ANKRD36: variants seen among roughly 807,000 people sequenced by gnomAD.
The protein encoded by ANKRD36 is ankyrin repeat domain-containing protein 36A.
Under a neutral mutation model 278.1 loss-of-function variants are expected in ANKRD36, and 179 were observed. The ratio of observed to expected loss-of-function variants is 0.64; its 90% confidence interval spans 0.57 to 0.73. ANKRD36 has a LOEUF of 0.73. Among genes scored for constraint, ANKRD36 ranks in the 30% least tolerant of loss-of-function variants. The pLI, the probability that ANKRD36 is intolerant of heterozygous loss-of-function variation, is 0.00. For synonymous variants in ANKRD36, 320 were observed against 641.1 expected, an observed-to-expected ratio of 0.50 and a Z score of 7.57; for missense variants, 1,159 against 1,956.7, an observed-to-expected ratio of 0.59 and a Z score of 7.69.
At chr2:97,137,132 A>G (rs183596298) in intron 6 of ANKRD36, among the ~76,000 whole-genome samples, 1 of 152,050 alleles carries the variant, frequency 6.6e-6, no homozygotes, top group African/African-American at 2.4e-5. Flanking sequence ...GGTCTAAGGC[A>G]TGTACAAAAG....
chr2:97,182,447 C>A (rs2153546004), intron 26 of ANKRD36, among the ~76,000 whole-genome samples: 1 of 147,106 alleles, frequency 6.8e-6, no homozygotes, highest in African/African-American at 2.4e-5. Context: ...TACTGTTGGG[C>A]ATCAGAGATA....
Position 97,215,961 on chromosome 2 carries a change from T to C in ANKRD36, c.3673+464T>C, listed in dbSNP as rs373091665. ...ATTATTTTCCGCAAGGAAGAGGGAT[T>C]GTGAGGCAGGAAGGAGAGAAAAGAA... On this transcript the variant is annotated intron_variant, in intron 62 of 75. Coordinates refer to ENST00000420699, the MANE Select transcript of ANKRD36 (RefSeq NM_001354587.1). 9.4e-4 allele frequency: 295 copies of C among 312,422 alleles called. 1 individual carries two copies. The East Asian group carries it at 0.014, about 15-fold the overall frequency. The allele number at this position is 312,422 out of a possible 1,614,324, so 19.4% of individuals were successfully genotyped here. A position where few individuals can be genotyped will look rare whatever the true frequency, so the allele number is the denominator to read the frequency against.
chr2:97,155,339 A>G lies in ANKRD36; in HGVS notation c.1260+598A>G, dbSNP rs2047190906. Reference sequence around the variant, plus strand: ...TTGTGGAAATTTAACTAGACATGGTATCATGTGCCTGTAGTCCCACCTACT... The same window carrying G: ...TTGTGGAAATTTAACTAGACATGGTGTCATGTGCCTGTAGTCCCACCTACT... On this transcript the variant is annotated intron_variant, in intron 15 of 75. Transcript: ENST00000420699. Among the ~76,000 whole-genome samples, 2 of 144,838 alleles carry G rather than the reference A, an allele frequency of 1.4e-5. 1 individual carries two copies. Among genetic ancestry groups the G allele is most frequent in the Non-Finnish European group, 3.1e-5 (2 of 64,124 alleles).
intron 6 of ANKRD36, among the ~76,000 whole-genome samples, chr2:97,134,451 T>C (rs2040964335): frequency 6.6e-6 from 1 of 152,082 alleles, no homozygotes; most frequent in Non-Finnish European, 1.5e-5. Context: ...TTGTACTTTA[T>C]AAAACGAGTC....
intron 6 of ANKRD36, among the ~76,000 whole-genome samples, chr2:97,128,848 A>G (rs536566248): frequency 3.5e-4 from 53 of 152,230 alleles, no homozygotes; most frequent in Non-Finnish European, 6.3e-4. Flanking sequence ...TCCAAAGCAC[A>G]TACATCCCAA....
intron 54 of ANKRD36, among the ~76,000 whole-genome samples, chr2:97,208,775 A>G (rs2063562601): frequency 6.8e-6 from 1 of 146,574 alleles, no homozygotes; most frequent in South Asian, 2.1e-4. Flanking sequence ...CCTCGTGGAT[A>G]AAATAGCTAT....
At chr2:97,228,616 T>G (rs1213715669) in intron 67 of ANKRD36, among the ~76,000 whole-genome samples, 4 of 151,914 alleles carry the variant, frequency 2.6e-5, no homozygotes, top group South Asian at 2.1e-4. Context: ...TTTTGAAGGG[T>G]TTTTTGTGTC....
At chr2:97,125,285 C>T (rs1361161861) in intron 5 of ANKRD36, among the ~76,000 whole-genome samples, 1 of 150,992 alleles carries the variant, frequency 6.6e-6, no homozygotes, top group African/African-American at 2.4e-5. Context: ...TTTTTTAGTT[C>T]AGTTGCACAT....
Position 97,194,849 on chromosome 2 carries a change from C to A in ANKRD36, c.2483C>A (p.Thr828Lys), listed in dbSNP as rs562787316. The A allele has an allele frequency of 6.3e-7, 1 of 1,590,086 alleles. No homozygotes were observed. Among genetic ancestry groups the A allele is most frequent in the East Asian group, 2.3e-5 (1 of 43,586 alleles). The change falls in exon 40 of 76, where the codon ACA becomes AAA. Residue 828 changes from threonine (T) to lysine (K), a missense_variant. Physicochemically the swap from Thr to Lys is moderately conservative, Grantham distance 78. Coordinates refer to ENST00000420699, the MANE Select transcript of ANKRD36 (RefSeq NM_001354587.1). ...SSRKKPALKA[T>K]SDEKDSFSNI... ...TTTGTTTCAAATTCCACTCAGGCTACAAGTGATGAGAAGGATTCTTTTTCG... is the reference window on the plus strand; with the variant it reads ...TTTGTTTCAAATTCCACTCAGGCTAAAAGTGATGAGAAGGATTCTTTTTCG...
Position 97,202,333 on chromosome 2 carries a change from G to A in ANKRD36, c.2899G>A (p.Glu967Lys), listed in dbSNP as rs779171869. Residue 967 changes from glutamate to lysine, a missense_variant, in exon 48 of 76, where the codon GAG becomes AAG. Physicochemically the swap from Glu to Lys is moderately conservative, Grantham distance 56. Transcript: ENST00000420699. The part of the protein sequence containing the change: ...KPPALKGTSD[E>K]EDSVLGIARE... Reference sequence around the variant, plus strand: ...AAATTCCATTCAGGGTACAAGTGACGAGGAAGATTCTGTTTTGGGTATAGC... The same window carrying A: ...AAATTCCATTCAGGGTACAAGTGACAAGGAAGATTCTGTTTTGGGTATAGC... 80 of 1,570,400 alleles carry A rather than the reference G, an allele frequency of 5.1e-5. No homozygotes were observed. The highest frequency in any genetic ancestry group is 5.9e-5 in the Non-Finnish European group (69 of 1,162,170).
intron 67 of ANKRD36, among the ~76,000 whole-genome samples, chr2:97,228,141 C>G (rs2070557316): frequency 6.6e-6 from 1 of 152,082 alleles, no homozygotes; most frequent in Non-Finnish European, 1.5e-5. Context: ...CAGGATGATG[C>G]TGGCCTCATA....
intron 15 of ANKRD36, among the ~76,000 whole-genome samples, chr2:97,156,320 C>G (rs1282003842): frequency 6.9e-6 from 1 of 145,262 alleles, no homozygotes; most frequent in African/African-American, 2.4e-5. Flanking sequence ...GCTGCACCCA[C>G]TAACTCGTCA....
chr2:97,202,117 G>A, intron 46 of ANKRD36, 85 bp from the exon 47 acceptor site: 1 of 1,590,388 alleles, frequency 6.3e-7, no homozygotes. Flanking sequence ...CAGGAGGACA[G>A]AGGTTGATTC....
At chr2:97,154,021 A>G (rs2046801005) in intron 14 of ANKRD36, among the ~76,000 whole-genome samples, 1 of 148,808 alleles carries the variant, frequency 6.7e-6, no homozygotes, top group South Asian at 2.1e-4. Context: ...TATAATTTTT[A>G]ATGTTTTAAT....
chr2:97,121,295 A>G (rs2036752099), intron 3 of ANKRD36, among the ~76,000 whole-genome samples: 1 of 152,086 alleles, frequency 6.6e-6, no homozygotes, highest in African/African-American at 2.4e-5. Flanking sequence ...TGCATAGGTT[A>G]TGCATATTGC....
intron 18 of ANKRD36, among the ~76,000 whole-genome samples, chr2:97,162,646 G>T (rs2049253436): frequency 6.8e-6 from 1 of 147,710 alleles, no homozygotes; most frequent in Non-Finnish European, 1.5e-5. Context: ...TTAAATTATT[G>T]CTGCTTTGGA....
In ANKRD36 at chr2:97,224,444, G is replaced by GT. The variant is rs1432191197; in HGVS notation, c.3878-355dup. Among the ~76,000 whole-genome samples the GT allele has an allele frequency of 1.5e-3, 217 of 143,650 alleles. 13 individuals carry two copies. The East Asian group carries it at 0.039, about 26-fold the overall frequency. The allele number at this position is 143,650 out of a possible 152,430, so 94.2% of individuals were successfully genotyped here. A position where few individuals can be genotyped will look rare whatever the true frequency, so the allele number is the denominator to read the frequency against. On this transcript the variant is annotated intron_variant, in intron 66 of 75. Transcript: ENST00000420699. Reference sequence around the variant, plus strand: ...AGAAAGACTATCGTTTTGTTTTTTTGTTTTTTTGTTTTTTTTTTTTTGAGA... The same window carrying GT: ...AGAAAGACTATCGTTTTGTTTTTTTGTTTTTTTTGTTTTTTTTTTTTTGAGA...
intron 22 of ANKRD36, among the ~76,000 whole-genome samples, chr2:97,171,472 A>G (rs1406307785): frequency 1.5e-5 from 2 of 136,568 alleles, no homozygotes; most frequent in Non-Finnish European, 3.1e-5. Context: ...AACACCGCAT[A>G]TTCTCACTCA....
intron 53 of ANKRD36, 40 bp from the exon 54 acceptor site, chr2:97,207,894 T>A: frequency 1.9e-6 from 3 of 1,539,966 alleles, no homozygotes; most frequent in African/African-American, 1.4e-5. Flanking sequence ...CTATGAAACA[T>A]ACTTTATTAA....
Sources: gnomAD v4.1 joint callset for allele counts (sites outside exome capture counted in the v4.1 genomes callset) on GRCh38, gnomAD v4.1.1 for gene constraint, MANE v1.5 for transcripts, NCBI Gene and HGNC (gene_info 2026-07-23, HGNC 2026-07-21) for gene names.